TIAM1: variants seen among roughly 807,000 people sequenced by gnomAD.
TIAM1 encodes TIAM Rac1 associated GEF 1, also known as rho guanine nucleotide exchange factor TIAM1.
Under a neutral mutation model 163.5 loss-of-function variants are expected in TIAM1, and 65 were observed. That is an observed-to-expected ratio of 0.40 (90% confidence interval 0.33 to 0.49). TIAM1 has a LOEUF of 0.49. Among genes scored for constraint, TIAM1 ranks in the 20% least tolerant of loss-of-function variants. The pLI, the probability that TIAM1 is intolerant of heterozygous loss-of-function variation, is 0.77. For missense variants in TIAM1, 1,789 were observed against 2,044.7 expected (o/e 0.87, Z 2.41); for synonymous variants, 833 against 810.1 (o/e 1.03, Z -0.48).
intron 2 of TIAM1, among the ~76,000 whole-genome samples, chr21:31,339,025 A>G (rs939393847): frequency 1.3e-5 from 2 of 152,200 alleles, no homozygotes; most frequent in African/African-American, 4.8e-5. Flanking sequence ...AACCATGGGA[A>G]CCACCCAGGA....
intron 16 of TIAM1, among the ~76,000 whole-genome samples, chr21:31,164,491 A>T (rs1279433725): frequency 1.3e-5 from 2 of 152,052 alleles, no homozygotes; most frequent in Non-Finnish European, 2.9e-5. Flanking sequence ...GTGTATTTGG[A>T]TTAATTTTAA....
chr21:31,445,174 CAG>C (rs2044576756), intron 2 of TIAM1, among the ~76,000 whole-genome samples: 1 of 5,610 alleles, frequency 1.8e-4, no homozygotes, highest in South Asian at 7.2e-3. Flanking sequence ...ATGTGAGAAA[CAG>C]TCTATGATGA....
At chr21:31,180,051 G>A (rs969611395) in intron 15 of TIAM1, among the ~76,000 whole-genome samples, 7 of 151,684 alleles carry the variant, frequency 4.6e-5, no homozygotes, top group African/African-American at 7.3e-5. Flanking sequence ...GATTACAGGC[G>A]CCTGCCACCA....
Position 31,271,476 on chromosome 21 carries a change from T to G in TIAM1, c.-11-4493A>C, listed in dbSNP as rs560815549. On this transcript the variant is annotated intron_variant, in intron 3 of 27. Transcript: ENST00000541036. Reference sequence around the variant, plus strand: ...CTGCAGGTCTGTGTCAGTCCCTTACTCTGGACCACTGGGTTGAAGGTCATC... The same window carrying G: ...CTGCAGGTCTGTGTCAGTCCCTTACGCTGGACCACTGGGTTGAAGGTCATC... Among the ~76,000 whole-genome samples, 4 of 152,270 alleles carry G rather than the reference T, an allele frequency of 2.6e-5. No homozygotes were observed. The South Asian group carries it at 8.3e-4, about 32-fold the overall frequency.
chr21:31,252,389 C>A (rs1241061325), intron 4 of TIAM1, among the ~76,000 whole-genome samples, 200 bp from the exon 5 acceptor site: 2 of 152,176 alleles, frequency 1.3e-5, no homozygotes, highest in African/African-American at 4.8e-5. Context: ...GCTCAGGAAA[C>A]CTTCAGCCGC....
At chr21:31,178,056 C>T (rs922572976) in intron 15 of TIAM1, among the ~76,000 whole-genome samples, 3 of 152,186 alleles carry the variant, frequency 2.0e-5, no homozygotes, top group Non-Finnish European at 4.4e-5. Context: ...AAAATTTTCT[C>T]GGTTGTTTTC....
At chr21:31,535,802 A>G (rs2048113942) in intron 1 of TIAM1, among the ~76,000 whole-genome samples, 1 of 152,142 alleles carries the variant, frequency 6.6e-6, no homozygotes, top group African/African-American at 2.4e-5. Flanking sequence ...TGGCACATCC[A>G]CCGTGTGACA....
At chr21:31,360,089 C>A (rs538904685) in intron 2 of TIAM1, among the ~76,000 whole-genome samples, 1 of 152,102 alleles carries the variant, frequency 6.6e-6, no homozygotes, top group East Asian at 1.9e-4. Context: ...ATAAAAGCAA[C>A]AAGAAGGAGA....
rs1004036502 is a variant in TIAM1 at position 31,425,825 on chromosome 21, T to C, written c.-369+38158A>G. Reference sequence around the variant, plus strand: ...AATTCTCCTGCCTCATCTTCCCGAGTAGCTGGGATTACAAGCACATGCCAC... The same window carrying C: ...AATTCTCCTGCCTCATCTTCCCGAGCAGCTGGGATTACAAGCACATGCCAC... On this transcript the variant is annotated intron_variant, in intron 2 of 28. Transcript: ENST00000286827. 3.0e-4 allele frequency among the ~76,000 whole-genome samples: 45 copies of C among 151,904 alleles called. 1 individual carries two copies. Among genetic ancestry groups the C allele is most frequent in the Non-Finnish European group, 1.3e-4 (9 of 67,976 alleles).
At position 31,381,097 on chromosome 21, in the gene TIAM1, C is replaced by T. The variant is rs535267056; in HGVS notation, c.-368-41675G>A. Among the ~76,000 whole-genome samples the T allele has an allele frequency of 5.0e-3, 766 of 152,320 alleles. 4 individuals carry two copies. Among genetic ancestry groups the T allele is most frequent in the African/African-American group, 0.018 (732 of 41,562 alleles). On this transcript the variant is annotated intron_variant, in intron 2 of 28. Transcript: ENST00000286827. ...CAATATACTAAACCTTGCTAGAAGA[C>T]ACAGATAATACAGTCCCTTTCTTCT...
At chr21:31,181,752 TCTTC>T (rs1370087151) in intron 15 of TIAM1, among the ~76,000 whole-genome samples, 5 of 121,666 alleles carry the variant, frequency 4.1e-5, no homozygotes, top group African/African-American at 6.6e-5. Context: ...TTCTTCTTCT[TCTTC>T]TTTTTTTTTT....
chr21:31,200,962 A>G (rs1477390990), intron 12 of TIAM1, among the ~76,000 whole-genome samples: 1 of 152,250 alleles, frequency 6.6e-6, no homozygotes, highest in Non-Finnish European at 1.5e-5. Context: ...ATACATATAT[A>G]GCTATCTGCA....
At chr21:31,240,530 T>C (rs955030841) in intron 6 of TIAM1, among the ~76,000 whole-genome samples, 3 of 152,158 alleles carry the variant, frequency 2.0e-5, no homozygotes, top group African/African-American at 7.2e-5. Flanking sequence ...AAACATGGCA[T>C]TCCAAGGTAG....
chr21:31,145,669 T>C (rs535967901), intron 20 of TIAM1, among the ~76,000 whole-genome samples: 22 of 152,278 alleles, frequency 1.4e-4, no homozygotes, highest in African/African-American at 5.3e-4. Context: ...TAACTACAAA[T>C]GCAGCAGTTT....
rs775500312 is a variant in TIAM1, at chr21:31,217,550, T to C, written c.2142+3A>G. On this transcript the variant is annotated splice_donor_region_variant and intron_variant, in intron 9 of 27. Coordinates refer to ENST00000541036, the MANE Select transcript of TIAM1 (RefSeq NM_001353694.2). ...CTCACTTTTCATCTGCTCTGGAACC[T>C]ACCTGATTGATGCTTGGCCGTCCCT... The C allele has an allele frequency of 7.4e-6, 12 of 1,613,694 alleles. No individual in the cohort carries two copies. Among genetic ancestry groups the C allele is most frequent in the Non-Finnish European group, 1.0e-5 (12 of 1,179,832 alleles).
At chr21:31,475,872 C>T (rs551203796) in intron 1 of TIAM1, among the ~76,000 whole-genome samples, 13 of 152,214 alleles carry the variant, frequency 8.5e-5, no homozygotes, top group South Asian at 2.1e-4. Flanking sequence ...AGGTGATGTC[C>T]GAATCATTAG....
intron 1 of TIAM1, among the ~76,000 whole-genome samples, chr21:31,552,746 G>T (rs2048736394): frequency 6.6e-6 from 1 of 152,006 alleles, no homozygotes; most frequent in South Asian, 2.1e-4. Context: ...CTCCAGCCTG[G>T]GTGACAAGAG....
At chr21:31,362,189 C>A (rs2076417952) in intron 2 of TIAM1, among the ~76,000 whole-genome samples, 1 of 151,978 alleles carries the variant, frequency 6.6e-6, no homozygotes. Flanking sequence ...ATACTCTTTA[C>A]TGTGACTTTA....
chr21:31,239,926 T>A (rs1207918347), intron 6 of TIAM1, among the ~76,000 whole-genome samples: 2 of 152,310 alleles, frequency 1.3e-5, no homozygotes, highest in Non-Finnish European at 2.9e-5. Flanking sequence ...GTTTGGCATA[T>A]CCTGAATATG....
Sources: gnomAD v4.1 joint callset for allele counts (sites outside exome capture counted in the v4.1 genomes callset) on GRCh38, gnomAD v4.1.1 for gene constraint, MANE v1.5 for transcripts, NCBI Gene and HGNC (gene_info 2026-07-23, HGNC 2026-07-21) for gene names.